ZNF800: variants seen among roughly 807,000 people sequenced by gnomAD.
ZNF800 encodes zinc finger protein 800.
ZNF800 carries 13 observed loss-of-function variants against 59.5 expected under a neutral mutation model. The observed-to-expected ratio is 0.22, with a 90% confidence interval of 0.14 to 0.35. ZNF800 has a LOEUF of 0.35. Ranked by LOEUF, ZNF800 falls within the 10% of genes least tolerant of loss-of-function variation. ZNF800 has a pLI of 1.00. For missense variants in ZNF800, 621 were observed against 783.7 expected (o/e 0.79, Z 2.48); for synonymous variants, 266 against 265.7 (o/e 1.00, Z -0.01).
At chr7:127,353,580 G>A (rs1800211745) in intron 1 of ZNF800, among the ~76,000 whole-genome samples, 1 of 152,172 alleles carries the variant, frequency 6.6e-6, no homozygotes, top group Admixed American at 6.5e-5. Flanking sequence ...TTTTCAGACA[G>A]AATTACCAAG....
downstream of ZNF800, among the ~76,000 whole-genome samples, chr7:127,366,954 T>G (rs752123752): frequency 6.6e-6 from 1 of 152,134 alleles, no homozygotes; most frequent in Non-Finnish European, 1.5e-5. Flanking sequence ...AAGGGGAAAG[T>G]AGCGGAAGGA....
intron 3 of ZNF800, among the ~76,000 whole-genome samples, chr7:127,383,729 G>A (rs1344608942): frequency 6.6e-6 from 1 of 151,904 alleles, no homozygotes; most frequent in East Asian, 1.9e-4. Context: ...AAATTTCTTA[G>A]TTACAGGATA....
intron 3 of ZNF800, among the ~76,000 whole-genome samples, chr7:127,379,852 A>ACCCCCCCCCCCCCCCCCCCCCCC (rs1562907479): frequency 1.2e-4 from 2 of 16,164 alleles, no homozygotes; most frequent in Non-Finnish European, 2.4e-4. Context: ...CCACCCCCCC[A>ACCCCCCCCCCCCCCCCCCCCCCC]CCCCCCCCAC....
At chr7:127,348,880 A>C (rs1037119999) in intron 1 of ZNF800, among the ~76,000 whole-genome samples, 3 of 152,242 alleles carry the variant, frequency 2.0e-5, no homozygotes, top group Non-Finnish European at 2.9e-5. Flanking sequence ...TGTGTAGCAA[A>C]GTGGTGGACA....
Position 127,392,458 on chromosome 7 carries a change from C to A in ZNF800, c.-457G>T. ...CCCTCGCCGGGGCAACGGCTGCCGC[C>A]GCAACCCGGGTCCCACCAGCGCCGC... On this transcript the variant is annotated 5_prime_UTR_variant, in exon 1 of 6. Transcript: ENST00000265827. 1 of 369,578 alleles carries A rather than the reference C, an allele frequency of 2.7e-6. No individual in the cohort carries two copies. The highest frequency in any genetic ancestry group is 4.8e-6 in the Non-Finnish European group (1 of 207,618). 22.9% of individuals were successfully genotyped at this position (369,578 alleles called of 1,614,324 possible). A position where few individuals can be genotyped will look rare whatever the true frequency, so the allele number is the denominator to read the frequency against.
intron 3 of ZNF800, among the ~76,000 whole-genome samples, chr7:127,379,467 CAAAATAATGTGAACTCGGTTTA>C (rs1800890177): frequency 1.3e-5 from 2 of 152,022 alleles, no homozygotes; most frequent in Non-Finnish European, 2.9e-5. Context: ...AGAGGAACAC[CAAAATAATGTGAACTCGGTTTA>C]ACTTAAGAAT....
chr7:127,370,766 TTC>T lies in ZNF800; in HGVS notation c.*1046_*1047del, dbSNP rs1402132803. On this transcript the variant is annotated 3_prime_UTR_variant, in exon 6 of 6. Transcript: ENST00000265827. Reference sequence around the variant, plus strand: ...CAAAATTTCATAAAGATAGATGTACTTCTGTTTTTCCTAAAATCTTGATTACA... The same window carrying T: ...CAAAATTTCATAAAGATAGATGTACTTGTTTTTCCTAAAATCTTGATTACA... The T allele has an allele frequency of 1.3e-5, 2 of 152,568 alleles. No homozygotes were observed. Among genetic ancestry groups the T allele is most frequent in the African/African-American group, 2.4e-5 (1 of 41,454 alleles). The allele number at this position is 152,568 out of a possible 1,614,324, so 9.5% of individuals were successfully genotyped here.
intron 3 of ZNF800, among the ~76,000 whole-genome samples, chr7:127,381,001 C>T (rs1055315445): frequency 2.6e-5 from 4 of 152,176 alleles, no homozygotes; most frequent in Admixed American, 2.0e-4. Context: ...AAGTGCATTG[C>T]ATGTACTGGT....
At chr7:127,365,694 G>A (rs1213228549), downstream of ZNF800, among the ~76,000 whole-genome samples, 1 of 152,054 alleles carries the variant, frequency 6.6e-6, no homozygotes, top group Non-Finnish European at 1.5e-5. Flanking sequence ...CACCAAAAAT[G>A]GCACCAAACT....
intron 3 of ZNF800, among the ~76,000 whole-genome samples, chr7:127,380,380 A>T (rs1300443934): frequency 6.6e-6 from 1 of 152,218 alleles, no homozygotes; most frequent in East Asian, 1.9e-4. Flanking sequence ...AGATTTTTTA[A>T]ATCTATGTGA....
chr7:127,352,940 G>A (rs1800195018), intron 1 of ZNF800, among the ~76,000 whole-genome samples: 1 of 86,458 alleles, frequency 1.2e-5, no homozygotes, highest in African/African-American at 4.9e-5. Flanking sequence ...AATTAGAAAT[G>A]GAAATGATGA....
At chr7:127,379,015 T>C (rs1800874480) in intron 3 of ZNF800, among the ~76,000 whole-genome samples, 1 of 152,100 alleles carries the variant, frequency 6.6e-6, no homozygotes, top group Non-Finnish European at 1.5e-5. Context: ...AAAAAATGTA[T>C]AGAATAAAAT....
intron 1 of ZNF800, chr7:127,364,630 G>A (rs1190496070): frequency 2.6e-5 from 4 of 152,184 alleles, no homozygotes; most frequent in African/African-American, 9.7e-5. Context: ...GGTTGAGGAA[G>A]AGGAGCTAGT....
In ZNF800 at chr7:127,373,520, C is replaced by T. The variant is rs770252626; in HGVS notation, c.1816G>A (p.Gly606Ser). The change falls in exon 5 of 6, where the codon GGT (glycine) becomes AGT (serine). Residue 606 changes from glycine to serine, a missense_variant. Coordinates refer to ENST00000265827, the MANE Select transcript of ZNF800 (RefSeq NM_176814.5). ...PSKKYEVADV[G>S]IEVKVTKNFS... is the part of the protein sequence containing the mutation. ...TTTTTTGTGACTTTTACTTCAATAC[C>T]GACGTCAGCTACTTCATACTTTTTA... is the stretch of plus-strand genomic sequence containing the variant. The T allele has an allele frequency of 1.1e-5, 17 of 1,614,042 alleles. No homozygotes were observed. In the Middle Eastern group the frequency reaches 5.0e-4, roughly 47 times the overall value.
At chr7:127,387,083 A>C (rs544816351) in intron 2 of ZNF800, among the ~76,000 whole-genome samples, 1 of 152,262 alleles carries the variant, frequency 6.6e-6, no homozygotes, top group South Asian at 2.1e-4. Flanking sequence ...AAAATTAAAA[A>C]TTTCATTTTT....
rs752851454 is a variant in ZNF800, at chr7:127,374,899, T to C, written c.437A>G (p.Tyr146Cys). ...IETNQNAVFQ[Y>C]ISRTDNPIEV... ...AATAGGATTATCAGTCCTCGAAATA[T>C]ATTGAAATACTGCATTTTGATTAGT... Residue 146 changes from tyrosine to cysteine, a missense_variant, in exon 5 of 6, where the codon TAT becomes TGT. By Grantham distance (194) the Tyr-to-Cys change is radical. This residue lies in a region of ZNF800 where 218 missense variants were observed against 230.8 expected (regional missense o/e 0.94). Transcript: ENST00000265827. The C allele has an allele frequency of 2.5e-6, 4 of 1,614,002 alleles. No homozygotes were observed. Among genetic ancestry groups the C allele is most frequent in the Admixed American group, 3.3e-5 (2 of 60,008 alleles).
Position 127,373,719 on chromosome 7 carries a change from A to T in ZNF800, c.1617T>A (p.Thr539=). 6.2e-7 allele frequency: 1 copy of T among 1,614,180 alleles called. No homozygotes were observed. Among genetic ancestry groups the T allele is most frequent in the Non-Finnish European group, 8.5e-7 (1 of 1,180,016 alleles). ...RRKRDVIRHI[T]VVHKKSSRYL... ...AACGAGATGACTTTTTATGAACCAC[A>T]GTTATATGTCGTATCACATCACGTT... is the stretch of plus-strand genomic sequence containing the variant. Residue 539 remains threonine, a synonymous_variant, in exon 5 of 6, where the codon ACT becomes ACA. Transcript: ENST00000265827.
At chr7:127,352,145 T>C (rs977539066) in intron 1 of ZNF800, among the ~76,000 whole-genome samples, 4 of 152,068 alleles carry the variant, frequency 2.6e-5, no homozygotes, top group Non-Finnish European at 4.4e-5. Context: ...AGGATGAAAA[T>C]AACTCAAAAT....
intron 1 of ZNF800, chr7:127,364,402 A>C (rs1800460328): frequency 2.0e-5 from 3 of 152,132 alleles, no homozygotes; most frequent in Admixed American, 1.3e-4. Flanking sequence ...GGCTTCGGTG[A>C]ATCAACCAGG....
Sources: gnomAD v4.1 joint callset for allele counts (sites outside exome capture counted in the v4.1 genomes callset) on GRCh38, gnomAD v4.1.1 for gene constraint, gnomAD v4.1.1 regional missense constraint, MANE v1.5 for transcripts, NCBI Gene and HGNC (gene_info 2026-07-23, HGNC 2026-07-21) for gene names.